Variants in PTPRT observed in about 807,000 individuals in gnomAD.
PTPRT encodes the protein receptor-type tyrosine-protein phosphatase T.
A neutral mutation model predicts 176.8 loss-of-function variants in PTPRT; 56 were observed. The ratio of observed to expected loss-of-function variants is 0.32; its 90% CI spans 0.26 to 0.40. The LOEUF (loss-of-function observed/expected upper bound fraction) is 0.40. Ranked by LOEUF, PTPRT falls within the 10% of genes least tolerant of loss-of-function variation. The pLI, the probability that PTPRT is intolerant of heterozygous loss-of-function variation, is 1.00. For missense variants in PTPRT, 1,540 were observed against 1,908.2 expected (o/e 0.81, Z 3.60); for synonymous variants, 783 against 739.0 (o/e 1.06, Z -0.96).
chr20:42,732,355 G>A (rs1274202332), intron 6 of PTPRT, among the ~76,000 whole-genome samples: 2 of 152,116 alleles, frequency 1.3e-5, no homozygotes, highest in African/African-American at 2.4e-5. Flanking sequence ...CCCTTGAATC[G>A]AATCTCTGGA....
chr20:42,338,451 A>G lies in PTPRT; in HGVS notation c.1865+12177T>C, dbSNP rs79570534. Among the ~76,000 whole-genome samples, 21 of 152,232 alleles carry G rather than the reference A, an allele frequency of 1.4e-4. No homozygotes were observed. In the East Asian group the frequency reaches 2.5e-3, roughly 18 times the overall value. ...TTGAACATCTGCATCCCAAAGCTTC[A>G]ACTCCTATTGTGACTTTCAAAACAT... On this transcript the variant is annotated intron_variant, in intron 11 of 30. Transcript: ENST00000373187.
chr20:42,912,505 C>T (rs1266151457), intron 1 of PTPRT, among the ~76,000 whole-genome samples: 2 of 151,960 alleles, frequency 1.3e-5, no homozygotes. Context: ...TTCTTTTAAC[C>T]TCTTAATTAT....
chr20:43,162,340 T>C (rs2014720909), intron 1 of PTPRT, among the ~76,000 whole-genome samples: 1 of 152,222 alleles, frequency 6.6e-6, no homozygotes, highest in African/African-American at 2.4e-5. Context: ...AACAACCTTA[T>C]AACGCGGATC....
At chr20:43,136,831 T>G (rs2013848003) in intron 1 of PTPRT, among the ~76,000 whole-genome samples, 1 of 152,172 alleles carries the variant, frequency 6.6e-6, no homozygotes, top group East Asian at 1.9e-4. Flanking sequence ...TATAACTGCT[T>G]CTGAATTCCC....
chr20:42,959,045 T>C (rs552696845), intron 1 of PTPRT, among the ~76,000 whole-genome samples: 2 of 152,220 alleles, frequency 1.3e-5, no homozygotes, highest in Non-Finnish European at 2.9e-5. Context: ...TATTCTTTTA[T>C]AGAATGTAAC....
intron 17 of PTPRT, among the ~76,000 whole-genome samples, chr20:42,147,955 A>C (rs1988945219): frequency 6.6e-6 from 1 of 152,178 alleles, no homozygotes; most frequent in African/African-American, 2.4e-5. Context: ...GAAGCAAAAA[A>C]AATATGAGGG....
At chr20:43,005,022 C>G (rs1421280937) in intron 1 of PTPRT, among the ~76,000 whole-genome samples, 1 of 152,114 alleles carries the variant, frequency 6.6e-6, no homozygotes. Context: ...TCTCTGATAG[C>G]TGAGGCTGAC....
intron 11 of PTPRT, among the ~76,000 whole-genome samples, chr20:42,319,413 AT>A (rs571400615): frequency 5.3e-5 from 8 of 150,760 alleles, no homozygotes; most frequent in Non-Finnish European, 8.9e-5. Context: ...AGCAAAGGGT[AT>A]TTTTTTTTGG....
chr20:43,078,666 G>C (rs2011348064), intron 1 of PTPRT, among the ~76,000 whole-genome samples: 1 of 152,214 alleles, frequency 6.6e-6, no homozygotes, highest in Admixed American at 6.5e-5. Flanking sequence ...TTTCCACTTA[G>C]AGATGATAAA....
At chr20:42,858,448 C>T (rs2078603623) in intron 2 of PTPRT, among the ~76,000 whole-genome samples, 1 of 152,148 alleles carries the variant, frequency 6.6e-6, no homozygotes, top group South Asian at 2.1e-4. Flanking sequence ...GAGGCCAAAA[C>T]TCGTATGTTG....
intron 2 of PTPRT, among the ~76,000 whole-genome samples, chr20:42,859,940 T>C (rs1247321377): frequency 2.0e-5 from 3 of 152,086 alleles, no homozygotes; most frequent in Admixed American, 6.6e-5. Context: ...GGGACAAAGA[T>C]ATAATATTTT....
intron 1 of PTPRT, among the ~76,000 whole-genome samples, chr20:42,996,604 G>T (rs1454108782): frequency 6.6e-6 from 1 of 152,120 alleles, no homozygotes; most frequent in Non-Finnish European, 1.5e-5. Context: ...GAATCCTTAG[G>T]GTGTATGGAG....
At chr20:43,019,638 A>T (rs1985557785) in intron 1 of PTPRT, among the ~76,000 whole-genome samples, 1 of 149,536 alleles carries the variant, frequency 6.7e-6, no homozygotes, top group Non-Finnish European at 1.5e-5. Context: ...AAAAAAAAAG[A>T]ATAATTGGAC....
chr20:42,667,314 T>A (rs1192738186), intron 7 of PTPRT, among the ~76,000 whole-genome samples: 5 of 152,142 alleles, frequency 3.3e-5, no homozygotes, highest in Non-Finnish European at 7.4e-5. Context: ...AGACAGTGAG[T>A]GGAGGAATTA....
intron 9 of PTPRT, among the ~76,000 whole-genome samples, chr20:42,354,847 C>T (rs1026764772): frequency 1.3e-5 from 2 of 152,028 alleles, no homozygotes; most frequent in Non-Finnish European, 2.9e-5. Context: ...AGTGGTGCCG[C>T]ATCCTTGAGG....
chr20:42,605,258 G>T (rs965702227), intron 7 of PTPRT, among the ~76,000 whole-genome samples: 5 of 152,172 alleles, frequency 3.3e-5, no homozygotes, highest in African/African-American at 1.2e-4. Flanking sequence ...GCTCAGGCCA[G>T]GACTGACCCC....
rs538230919 is a variant in PTPRT, at chr20:43,012,806, G to T, written c.89-126874C>A. On this transcript the variant is annotated intron_variant, in intron 1 of 30. Transcript: ENST00000373187. ...ACAGACTAATCACCATCACCATGGG[G>T]ATGGCCAGTGGACCTCCATGAAGGT... 3.3e-5 allele frequency among the ~76,000 whole-genome samples: 5 copies of T among 152,216 alleles called. No homozygotes were observed. In the East Asian group the frequency reaches 9.7e-4, roughly 30 times the overall value.
intron 7 of PTPRT, among the ~76,000 whole-genome samples, chr20:42,489,047 TGTG>T (rs2071514419): frequency 1.4e-5 from 2 of 142,544 alleles, no homozygotes; most frequent in Non-Finnish European, 3.0e-5. Flanking sequence ...TGTGTGTGTG[TGTG>T]TGTGTGTGTT....
chr20:42,600,054 G>T (rs2073748271), intron 7 of PTPRT, among the ~76,000 whole-genome samples: 1 of 152,000 alleles, frequency 6.6e-6, no homozygotes, highest in African/African-American at 2.4e-5. Flanking sequence ...TCAAAACCTA[G>T]CTCAGTCATC....
Sources: gnomAD v4.1 joint callset for allele counts (sites outside exome capture counted in the v4.1 genomes callset) on GRCh38, gnomAD v4.1.1 for gene constraint, MANE v1.5 for transcripts, NCBI Gene and HGNC (gene_info 2026-07-23, HGNC 2026-07-21) for gene names.